Variants in CNKSR2 observed in about 807,000 individuals in gnomAD.
The protein encoded by CNKSR2 is connector enhancer of kinase suppressor of Ras 2.
A neutral mutation model predicts 84.4 loss-of-function variants in CNKSR2; 14 were observed. The ratio of observed to expected loss-of-function variants is 0.17; its 90% CI spans 0.11 to 0.26. CNKSR2 has a LOEUF of 0.26. CNKSR2 is among the 10% of genes least tolerant of loss of function. The pLI, the probability that CNKSR2 is intolerant of heterozygous loss-of-function variation, is 1.00. For missense variants in CNKSR2, 485 were observed against 771.2 expected (o/e 0.63, Z 4.40); for synonymous variants, 275 against 277.9 (o/e 0.99, Z 0.10).
chrX:21,580,452 G>C (rs2147228456), intron 13 of CNKSR2, among the ~76,000 whole-genome samples: 1 of 111,702 alleles, frequency 9.0e-6, no homozygotes, highest in East Asian at 2.8e-4. Context: ...ATAAAAGCTA[G>C]CATTCTTGGA....
chrX:21,602,391 G>T (rs186632342), intron 18 of CNKSR2, among the ~76,000 whole-genome samples: 1 of 111,333 alleles, frequency 9.0e-6, no homozygotes, highest in East Asian at 2.8e-4. Flanking sequence ...AAACCCCCGG[G>T]CTCAAGCGAT....
At position 21,559,215 on chromosome X, in the gene CNKSR2, A is replaced by G. The variant is rs767652416; in HGVS notation, c.1304-2256A>G. Among the ~76,000 whole-genome samples the G allele has an allele frequency of 1.1e-4, 12 of 110,771 alleles. No homozygotes were observed. The East Asian group carries it at 3.4e-3, about 32-fold the overall frequency. On this transcript the variant is annotated intron_variant, in intron 11 of 21. Coordinates refer to ENST00000379510, the MANE Select transcript of CNKSR2 (RefSeq NM_014927.5). ...AAGAGACACACAGCAAAGGAGATAT[A>G]GTATAGAGCAATTTATTGCAAAGGA...
intron 4 of CNKSR2, among the ~76,000 whole-genome samples, chrX:21,457,701 A>G (rs2091011745): frequency 8.9e-6 from 1 of 111,739 alleles, no homozygotes; most frequent in Admixed American, 9.5e-5. Flanking sequence ...AGTTGTGGGT[A>G]TGGAGACACT....
chrX:21,464,666 A>G (rs779313268), intron 4 of CNKSR2, among the ~76,000 whole-genome samples: 2 of 111,452 alleles, frequency 1.8e-5, no homozygotes, highest in Non-Finnish European at 3.8e-5. Context: ...TAGCTGGACA[A>G]GAACATTTCA....
At chrX:21,563,150 G>A (rs1016375382) in intron 12 of CNKSR2, 88 bp from the exon 13 acceptor site, 2 of 722,048 alleles carry the variant, frequency 2.8e-6, no homozygotes, top group Non-Finnish European at 3.9e-6. Context: ...AATTACTTTT[G>A]CGCCAACCTA....
chrX:21,534,924 A>G (rs1265399691), intron 11 of CNKSR2, among the ~76,000 whole-genome samples: 2 of 110,593 alleles, frequency 1.8e-5, no homozygotes, highest in African/African-American at 3.3e-5. Context: ...CTTTTGTTGC[A>G]TGTAAACCTT....
intron 1 of CNKSR2, among the ~76,000 whole-genome samples, chrX:21,419,129 C>G (rs777914746): frequency 9.1e-6 from 1 of 110,184 alleles, no homozygotes; most frequent in East Asian, 2.9e-4. Flanking sequence ...AATAGCCAGT[C>G]TTCAAGCTCA....
At chrX:21,436,973 C>T (rs992909212) in intron 3 of CNKSR2, among the ~76,000 whole-genome samples, 2 of 111,656 alleles carry the variant, frequency 1.8e-5, no homozygotes, top group Admixed American at 1.9e-4. Flanking sequence ...AAGATAAAAA[C>T]TTTAGGGTAA....
At chrX:21,449,592 GACAA>G (rs756766943) in intron 4 of CNKSR2, among the ~76,000 whole-genome samples, 1 of 110,482 alleles carries the variant, frequency 9.1e-6, no homozygotes, top group African/African-American at 3.3e-5. Flanking sequence ...ATGCTGCAGT[GACAA>G]ACAACCTGAA....
At chrX:21,619,963 C>T (rs2147300880) in intron 20 of CNKSR2, among the ~76,000 whole-genome samples, 1 of 110,838 alleles carries the variant, frequency 9.0e-6, no homozygotes, top group Non-Finnish European at 1.9e-5. Flanking sequence ...CCACCCCTCA[C>T]TTTGAATTCT....
In CNKSR2 at chrX:21,532,067, G is replaced by A; in HGVS notation, c.1303G>A (p.Gly435Ser). ...QGRRESTPTY[G>S]KLRPISMPVE... is the part of the protein sequence containing the mutation. ...AAGACGAGAAAGCACCCCAACTTAT[G>A]GTAAGAGTTCTTCTTTTATGTTTAT... The change falls in exon 11 of 22, where the codon GGC (glycine) becomes AGC (serine). Residue 435 changes from glycine to serine, a missense_variant and splice_region_variant. Gly to Ser is a moderately conservative substitution (Grantham distance 56). Coordinates refer to ENST00000379510, the MANE Select transcript of CNKSR2 (RefSeq NM_014927.5). 1 of 1,154,913 alleles carries A rather than the reference G, an allele frequency of 8.7e-7. No homozygotes were observed. The highest frequency in any genetic ancestry group is 1.2e-6 in the Non-Finnish European group (1 of 849,851).
At position 21,532,071 on chromosome X, in the gene CNKSR2, A is replaced by G; in HGVS notation, c.1303+4A>G. The G allele has an allele frequency of 1.7e-6, 2 of 1,152,279 alleles. No individual in the cohort carries two copies. Among genetic ancestry groups the G allele is most frequent in the Non-Finnish European group, 2.4e-6 (2 of 847,455 alleles). 95.0% of individuals were successfully genotyped at this position (1,152,279 alleles called of 1,213,427 possible). A position where few individuals can be genotyped will look rare whatever the true frequency, so the allele number is the denominator to read the frequency against. ...CGAGAAAGCACCCCAACTTATGGTA[A>G]GAGTTCTTCTTTTATGTTTATATAA... On this transcript the variant is annotated splice_donor_region_variant and intron_variant, in intron 11 of 21. Coordinates refer to ENST00000379510, the MANE Select transcript of CNKSR2 (RefSeq NM_014927.5).
At chrX:21,499,884 A>C (rs2091541207) in intron 7 of CNKSR2, among the ~76,000 whole-genome samples, 1 of 110,699 alleles carries the variant, frequency 9.0e-6, no homozygotes, top group Admixed American at 9.6e-5. Context: ...AAAATGTTTC[A>C]GTTTCTTTGA....
chrX:21,400,739 GAAAACTGTTCTATGAACA>G (rs1054104215), intron 1 of CNKSR2, among the ~76,000 whole-genome samples: 2 of 110,607 alleles, frequency 1.8e-5, no homozygotes, highest in African/African-American at 6.6e-5. Context: ...CATTTCTATT[GAAAACTGTTCTATGAACA>G]AAAAGTTCAT....
chrX:21,556,714 G>T (rs1218431231), intron 11 of CNKSR2, among the ~76,000 whole-genome samples: 2 of 110,474 alleles, frequency 1.8e-5, no homozygotes, highest in Non-Finnish European at 3.8e-5. Context: ...GTGGGGACAA[G>T]AGCTTAATCG....
intron 1 of CNKSR2, among the ~76,000 whole-genome samples, chrX:21,396,514 G>T (rs1197763270): frequency 9.0e-6 from 1 of 110,626 alleles, no homozygotes; most frequent in Non-Finnish European, 1.9e-5. Context: ...ACTTTAACAT[G>T]TATGGTTTTA....
chrX:21,629,440 A>C (rs928824499), intron 20 of CNKSR2, among the ~76,000 whole-genome samples: 1 of 112,195 alleles, frequency 8.9e-6, no homozygotes, highest in Non-Finnish European at 1.9e-5. Flanking sequence ...GACATACCCA[A>C]GACTGGGCAA....
At chrX:21,450,146 G>A (rs745384811) in intron 4 of CNKSR2, among the ~76,000 whole-genome samples, 2 of 111,004 alleles carry the variant, frequency 1.8e-5, no homozygotes, top group South Asian at 7.6e-4. Context: ...AATATGACTG[G>A]TAGGTTTCAG....
At chrX:21,569,001 GTTCAGTT>G (rs1255884801) in intron 13 of CNKSR2, among the ~76,000 whole-genome samples, 1 of 111,823 alleles carries the variant, frequency 8.9e-6, no homozygotes, top group East Asian at 2.8e-4. Flanking sequence ...GATAATGCAT[GTTCAGTT>G]CCAGACAACC....
Sources: allele counts gnomAD v4.1 joint callset (sites outside exome capture counted in the v4.1 genomes callset), GRCh38; gene constraint gnomAD v4.1.1; transcripts MANE v1.5; gene names NCBI Gene and HGNC (gene_info 2026-07-23, HGNC 2026-07-21).